Variants in RTTN observed in about 807,000 individuals in gnomAD.
RTTN encodes rotatin.
A neutral mutation model predicts 269.2 loss-of-function variants in RTTN; 182 were observed. The observed-to-expected ratio is 0.68, with a 90% CI of 0.60 to 0.76. The LOEUF (loss-of-function observed/expected upper bound fraction) is 0.76, where lower values mean the gene tolerates loss of function less well. Among genes scored for constraint, RTTN ranks in the 30% least tolerant of loss-of-function variants. The probability of loss-of-function intolerance (pLI) is 0.00; values close to 1 mark genes in which losing one functional copy is unlikely to be tolerated. For missense variants in RTTN, 2,545 were observed against 2,608.6 expected (o/e 0.98, Z 0.53); for synonymous variants, 1,006 against 963.5 (o/e 1.04, Z -0.82).
At chr18:70,133,570 T>C (rs947436035) in intron 23 of RTTN, among the ~76,000 whole-genome samples, 4 of 151,944 alleles carry the variant, frequency 2.6e-5, no homozygotes, top group Non-Finnish European at 2.9e-5. Context: ...CAACTATTGA[T>C]TGCTTCATGC....
At chr18:70,122,161 T>C (rs1009699215) in intron 25 of RTTN, among the ~76,000 whole-genome samples, 1 of 152,024 alleles carries the variant, frequency 6.6e-6, no homozygotes, top group African/African-American at 2.4e-5. Flanking sequence ...TACTAGAGTT[T>C]GTAACAGGCA....
At chr18:70,175,784 A>C (rs982062474) in intron 11 of RTTN, among the ~76,000 whole-genome samples, 1 of 152,188 alleles carries the variant, frequency 6.6e-6, no homozygotes, top group Admixed American at 6.5e-5. Flanking sequence ...TTTTGAATAG[A>C]TAAAACAAGA....
intron 14 of RTTN, among the ~76,000 whole-genome samples, chr18:70,153,834 A>G (rs1384456982): frequency 6.6e-6 from 1 of 152,226 alleles, no homozygotes; most frequent in East Asian, 1.9e-4. Flanking sequence ...TTGGATTATT[A>G]TAACTCCCTG....
chr18:70,067,934 G>T (rs1483449334), intron 34 of RTTN, among the ~76,000 whole-genome samples: 1 of 152,184 alleles, frequency 6.6e-6, no homozygotes, highest in East Asian at 1.9e-4. Flanking sequence ...GTTTAGAAAA[G>T]ATGCTTTTAG....
intron 14 of RTTN, among the ~76,000 whole-genome samples, chr18:70,156,079 G>T (rs1027545707): frequency 2.0e-5 from 3 of 152,092 alleles, no homozygotes; most frequent in African/African-American, 7.2e-5. Context: ...CTTGAAAAAA[G>T]AACAGAATAA....
intron 28 of RTTN, among the ~76,000 whole-genome samples, chr18:70,098,914 T>C (rs1264802319): frequency 6.6e-6 from 1 of 152,218 alleles, no homozygotes; most frequent in African/African-American, 2.4e-5. Flanking sequence ...GTCCTTGCGA[T>C]AGTTTGCTGA....
intron 28 of RTTN, among the ~76,000 whole-genome samples, chr18:70,108,330 A>G (rs946948655): frequency 6.6e-6 from 1 of 152,202 alleles, no homozygotes; most frequent in Non-Finnish European, 1.5e-5. Context: ...CAAAAAGAAA[A>G]CTGCAAACCA....
At position 70,058,565 on chromosome 18, in the gene RTTN, A is replaced by AT. The variant is rs1164147432; in HGVS notation, c.4941-734dup. Among the ~76,000 whole-genome samples the AT allele has an allele frequency of 2.6e-5, 4 of 152,276 alleles. No individual in the cohort carries two copies. The East Asian group carries it at 5.8e-4, about 22-fold the overall frequency. On this transcript the variant is annotated intron_variant, in intron 36 of 48. Coordinates refer to ENST00000640769, the MANE Select transcript of RTTN (RefSeq NM_173630.4). ...ATAAAAATAAAGTAAAACAAGTAGG[A>AT]TTTTTTTAAAGTCAAAAATGAAAAA...
rs2056146699 is a variant in RTTN, at chr18:70,005,225, C to A, written c.6568G>T (p.Asp2190Tyr). Residue 2190 changes from aspartate (D) to tyrosine (Y), a missense_variant, in exon 48 of 49, where the codon GAT becomes TAT. Asp to Tyr is a radical substitution (Grantham distance 160). Coordinates refer to ENST00000640769, the MANE Select transcript of RTTN (RefSeq NM_173630.4). Reference sequence around the variant, plus strand: ...TTCTTTGCTAAGGAGTATGCTTCATCCACTCTTCTTTTTACTGATGGGCTT... The same window carrying A: ...TTCTTTGCTAAGGAGTATGCTTCATACACTCTTCTTTTTACTGATGGGCTT... ...LKSPSVKRRV[D>Y]EAYSLAKKTF... The A allele has an allele frequency of 6.2e-7, 1 of 1,612,362 alleles. No homozygotes were observed. The highest frequency in any genetic ancestry group is 1.3e-5 in the African/African-American group (1 of 74,852).
At chr18:70,059,598 T>G (rs1474679624) in intron 36 of RTTN, among the ~76,000 whole-genome samples, 1 of 152,160 alleles carries the variant, frequency 6.6e-6, no homozygotes, top group Non-Finnish European at 1.5e-5. Flanking sequence ...TTAGAATCCA[T>G]GAATTTTAGA....
intron 34 of RTTN, among the ~76,000 whole-genome samples, chr18:70,067,159 G>GT (rs1254426989): frequency 1.9e-5 from 2 of 105,616 alleles, no homozygotes; most frequent in East Asian, 7.4e-4. Flanking sequence ...CCTAAAGCTT[G>GT]TTTATTTTTT....
At chr18:70,009,383 A>G (rs1419020484) in intron 46 of RTTN, among the ~76,000 whole-genome samples, 1 of 152,104 alleles carries the variant, frequency 6.6e-6, no homozygotes, top group East Asian at 1.9e-4. Context: ...TGGTCCGCCC[A>G]CCTTGGCCTC....
intron 17 of RTTN, among the ~76,000 whole-genome samples, chr18:70,147,452 T>C (rs1047957440): frequency 2.6e-5 from 4 of 152,136 alleles, no homozygotes; most frequent in African/African-American, 4.8e-5. Flanking sequence ...TTGTGTAAGG[T>C]ACATTCTATG....
At chr18:70,105,634 A>G (rs538592027) in intron 28 of RTTN, among the ~76,000 whole-genome samples, 1 of 152,016 alleles carries the variant, frequency 6.6e-6, no homozygotes, top group African/African-American at 2.4e-5. Flanking sequence ...ACCTCTCCGA[A>G]ATTTATTTTA....
chr18:70,197,046 G>T (rs1190642849), intron 6 of RTTN, among the ~76,000 whole-genome samples: 7 of 152,096 alleles, frequency 4.6e-5, no homozygotes, highest in Non-Finnish European at 8.8e-5. Context: ...GCTTTCCTCT[G>T]CGATCATTTG....
chr18:70,164,641 T>C (rs1196333240), intron 14 of RTTN, among the ~76,000 whole-genome samples: 1 of 152,096 alleles, frequency 6.6e-6, no homozygotes, highest in African/African-American at 2.4e-5. Context: ...CCTAAAAAGA[T>C]GTGGAAAATA....
At chr18:70,108,895 G>T (rs1040518353) in intron 28 of RTTN, among the ~76,000 whole-genome samples, 1 of 151,654 alleles carries the variant, frequency 6.6e-6, no homozygotes, top group Non-Finnish European at 1.5e-5. Flanking sequence ...CATACTGAAG[G>T]GTGAAAAATT....
chr18:70,161,164 A>G (rs1050338787), intron 14 of RTTN, among the ~76,000 whole-genome samples: 4 of 152,186 alleles, frequency 2.6e-5, no homozygotes, highest in African/African-American at 9.7e-5. Context: ...AGGCCACTAG[A>G]ACAGGTTAGA....
chr18:70,092,866 T>C, intron 28 of RTTN, 62 bp from the exon 29 acceptor site: 10 of 1,420,912 alleles, frequency 7.0e-6, no homozygotes, highest in Non-Finnish European at 9.6e-6. Flanking sequence ...TAAAGATAAA[T>C]ATATAACTGT....
Sources: allele counts gnomAD v4.1 joint callset (sites outside exome capture counted in the v4.1 genomes callset), GRCh38; gene constraint gnomAD v4.1.1; transcripts MANE v1.5; gene names NCBI Gene and HGNC (gene_info 2026-07-23, HGNC 2026-07-21).